Variants in KAZN observed in about 807,000 individuals in gnomAD.
The protein encoded by KAZN is kazrin.
In KAZN, 40 loss-of-function variants were observed where a neutral mutation model predicts 87.4. The ratio of observed to expected loss-of-function variants is 0.46; its 90% CI spans 0.36 to 0.60. KAZN has a LOEUF of 0.60. Among genes scored for constraint, KAZN ranks in the 20% least tolerant of loss-of-function variants. The pLI is 0.00. For synonymous variants in KAZN, 466 were observed against 458.3 expected (o/e 1.02, Z -0.22); for missense variants, 898 against 1,073.9 (o/e 0.84, Z 2.29).
chr1:14,935,687 C>CT (rs1319302268), intron 1 of KAZN, among the ~76,000 whole-genome samples: 1 of 152,212 alleles, frequency 6.6e-6, no homozygotes, highest in Admixed American at 6.5e-5. Context: ...CCTCTCCCCT[C>CT]TCCCTTCCCC....
chr1:14,118,944 A>G (rs1249088149), intron 1 of KAZN, among the ~76,000 whole-genome samples: 1 of 152,216 alleles, frequency 6.6e-6, no homozygotes, highest in African/African-American at 2.4e-5. Context: ...CTAGGTTGTC[A>G]GGAAAACAGT....
intron 2 of KAZN, among the ~76,000 whole-genome samples, chr1:14,990,463 A>G (rs745527398): frequency 3.2e-4 from 49 of 152,166 alleles, no homozygotes; most frequent in Admixed American, 3.3e-4. Flanking sequence ...GGCTCAAGCA[A>G]TCCACCCGCC....
intron 1 of KAZN, among the ~76,000 whole-genome samples, chr1:14,623,007 G>A (rs1678835882): frequency 6.6e-6 from 1 of 152,026 alleles, no homozygotes; most frequent in Non-Finnish European, 1.5e-5. Flanking sequence ...TACACTGCTG[G>A]TGGGAATATA....
At chr1:14,899,239 A>G (rs949129051) in intron 1 of KAZN, among the ~76,000 whole-genome samples, 44 of 152,364 alleles carry the variant, frequency 2.9e-4, no homozygotes, top group African/African-American at 9.1e-4. Context: ...CAAGTTGCCA[A>G]CTGAGGATGA....
chr1:14,305,883 A>G (rs111258349), intron 2 of KAZN, among the ~76,000 whole-genome samples: 2,922 of 152,134 alleles, frequency 0.019, 102 homozygotes, highest in African/African-American at 0.067. Context: ...GAAGCACCTT[A>G]GGTTTGGCAG....
intron 2 of KAZN, among the ~76,000 whole-genome samples, chr1:14,183,109 G>C (rs1295618989): frequency 1.3e-5 from 2 of 152,172 alleles, no homozygotes; most frequent in Non-Finnish European, 2.9e-5. Context: ...GGCTGCTTGA[G>C]AGTGACTGCT....
At chr1:14,799,350 C>T (rs954874567) in intron 1 of KAZN, among the ~76,000 whole-genome samples, 6 of 152,172 alleles carry the variant, frequency 3.9e-5, no homozygotes, top group Admixed American at 2.0e-4. Context: ...TCTCTTCATC[C>T]AGAAAGGCTT....
chr1:14,118,549 G>C (rs777195483), intron 1 of KAZN, among the ~76,000 whole-genome samples: 1 of 152,106 alleles, frequency 6.6e-6, no homozygotes, highest in Non-Finnish European at 1.5e-5. Flanking sequence ...CCAAGGCCAG[G>C]GCACTGTATA....
intron 1 of KAZN, among the ~76,000 whole-genome samples, chr1:14,776,291 A>T (rs1645173583): frequency 1.3e-5 from 2 of 152,230 alleles, no homozygotes; most frequent in Non-Finnish European, 2.9e-5. Flanking sequence ...GGCGTGAGCC[A>T]CTGCACCTGG....
chr1:14,472,147 A>G (rs747714766), intron 2 of KAZN, among the ~76,000 whole-genome samples: 1 of 152,186 alleles, frequency 6.6e-6, no homozygotes, highest in Non-Finnish European at 1.5e-5. Context: ...CACTAATCCC[A>G]TTCATGAGGG....
intron 1 of KAZN, among the ~76,000 whole-genome samples, chr1:14,878,336 G>A (rs1652991340): frequency 6.6e-6 from 1 of 151,852 alleles, no homozygotes; most frequent in African/African-American, 2.4e-5. Context: ...TGCATTGTAG[G>A]ATGTTGAGCA....
chr1:14,526,558 AAATTGACAAATTGAAATAG>A (rs1436108308), intron 2 of KAZN, among the ~76,000 whole-genome samples: 1 of 152,220 alleles, frequency 6.6e-6, no homozygotes, highest in East Asian at 1.9e-4. Flanking sequence ...TCTATAGCTG[AAATTGACAAATTGAAATAG>A]ACAAAGATGT....
intron 1 of KAZN, among the ~76,000 whole-genome samples, chr1:14,657,718 G>A (rs1385551353): frequency 6.6e-6 from 1 of 152,160 alleles, no homozygotes; most frequent in Non-Finnish European, 1.5e-5. Flanking sequence ...TTGAGACAGG[G>A]ACAAGTCCTT....
At chr1:14,105,141 A>C (rs1644340194) in intron 1 of KAZN, among the ~76,000 whole-genome samples, 2 of 152,236 alleles carry the variant, frequency 1.3e-5, no homozygotes, top group African/African-American at 4.8e-5. Flanking sequence ...AGATTCTGCT[A>C]TCTGGGAGGG....
At chr1:14,355,395 T>C (rs1195902766) in intron 2 of KAZN, among the ~76,000 whole-genome samples, 2 of 131,142 alleles carry the variant, frequency 1.5e-5, no homozygotes, top group Non-Finnish European at 3.2e-5. Context: ...TGTTGAACAA[T>C]CTACATATTT....
chr1:14,362,779 T>G (rs1340754237), intron 2 of KAZN, among the ~76,000 whole-genome samples: 1 of 152,160 alleles, frequency 6.6e-6, no homozygotes, highest in Non-Finnish European at 1.5e-5. Flanking sequence ...AGCAAGAAAA[T>G]AGCAAATCTA....
chr1:14,030,635 TACACACACAC>T (rs60838104), intron 1 of KAZN, among the ~76,000 whole-genome samples: 110 of 145,104 alleles, frequency 7.6e-4, no homozygotes, highest in East Asian at 4.1e-3. Flanking sequence ...TGTACACAGA[TACACACACAC>T]ACACACACAC....
At position 14,257,611 on chromosome 1, in the gene KAZN, G is replaced by A. The variant is rs995273802; in HGVS notation, c.249+77019G>A. Among the ~76,000 whole-genome samples the A allele has an allele frequency of 9.1e-3, 1,341 of 147,916 alleles. 11 individuals carry two copies. The highest frequency in any genetic ancestry group is 0.013 in the Non-Finnish European group (857 of 67,220). On this transcript the variant is annotated intron_variant, in intron 2 of 16. Transcript: ENST00000636203. ...GGGTTTTTATGGTTTTAGGTCTAAC[G>A]TTTAAATCTTTAATCCATCTTGAAT...
intron 1 of KAZN, among the ~76,000 whole-genome samples, chr1:13,955,005 C>G (rs1641490744): frequency 6.6e-6 from 1 of 152,142 alleles, no homozygotes; most frequent in African/African-American, 2.4e-5. Context: ...TCGAAAGTAA[C>G]ATTTTCACTT....
Sources: allele counts gnomAD v4.1 joint callset (sites outside exome capture counted in the v4.1 genomes callset), GRCh38; gene constraint gnomAD v4.1.1; transcripts MANE v1.5; gene names NCBI Gene and HGNC (gene_info 2026-07-23, HGNC 2026-07-21).